Variants in SPAG17 observed in about 807,000 individuals in gnomAD.
SPAG17 encodes sperm-associated antigen 17.
A neutral mutation model predicts 273.6 loss-of-function variants in SPAG17; 169 were observed. The ratio of observed to expected loss-of-function variants is 0.62; its 90% CI spans 0.55 to 0.70. The LOEUF (loss-of-function observed/expected upper bound fraction) is 0.70. SPAG17 is among the 30% of genes least tolerant of loss of function. The pLI, the probability that SPAG17 is intolerant of heterozygous loss-of-function variation, is 0.00. For synonymous variants in SPAG17, 825 were observed against 873.2 expected, an observed-to-expected ratio of 0.94 and a Z score of 0.97; for missense variants, 2,557 against 2,627.8, an observed-to-expected ratio of 0.97 and a Z score of 0.59.
chr1:118,121,076 G>T (rs1037311015), intron 3 of SPAG17, among the ~76,000 whole-genome samples: 2 of 152,030 alleles, frequency 1.3e-5, no homozygotes, highest in Non-Finnish European at 2.9e-5. Flanking sequence ...TAGGCCAGGG[G>T]TGAGAGCAGC....
At chr1:118,152,190 T>TA (rs1242160187) in intron 1 of SPAG17, among the ~76,000 whole-genome samples, 1 of 151,936 alleles carries the variant, frequency 6.6e-6, no homozygotes, top group Admixed American at 6.6e-5. Context: ...AGAGAGGGAA[T>TA]AATAAGGGAG....
chr1:117,954,576 A>T, intron 48 of SPAG17: 1 of 1,612,462 alleles, frequency 6.2e-7, no homozygotes, highest in Non-Finnish European at 8.5e-7. Flanking sequence ...TAATTTCTTC[A>T]TAGGTTCCAC....
At chr1:118,052,603 T>C (rs1651185045) in intron 20 of SPAG17, among the ~76,000 whole-genome samples, 1 of 152,084 alleles carries the variant, frequency 6.6e-6, no homozygotes, top group Non-Finnish European at 1.5e-5. Context: ...GTTAATCAGT[T>C]TGATTTAGCC....
rs116190758 is a variant in SPAG17, at chr1:118,127,150, C to T, written c.316-11709G>A. On this transcript the variant is annotated intron_variant, in intron 3 of 48. Transcript: ENST00000336338. ...CCACTTTGTTCTTTTTGCTTAGTAT[C>T]GCTTTAGAGAATTTGGGGTCTTTTG... Among the ~76,000 whole-genome samples, 705 of 152,154 alleles carry T rather than the reference C, an allele frequency of 4.6e-3. 7 individuals carry two copies. Among genetic ancestry groups the T allele is most frequent in the African/African-American group, 0.016 (666 of 41,530 alleles).
Position 118,025,383 on chromosome 1 carries a change from T to G in SPAG17, c.3764A>C (p.Asp1255Ala), listed in dbSNP as rs759699821. The G allele has an allele frequency of 1.9e-6, 3 of 1,600,414 alleles. No homozygotes were observed. Among genetic ancestry groups the G allele is most frequent in the African/African-American group, 2.7e-5 (2 of 73,982 alleles). ...QYVIDEEPTW[D>A]IMVRQSYPQR... is the part of the protein sequence containing the mutation. ...GGGGTAGCTCTGACGGACCATGATG[T>G]CCCAGGTGGGTTCCTCATCTATAAC... The change falls in exon 27 of 49, where the codon GAC (aspartate) becomes GCC (alanine). Residue 1255 changes from aspartate to alanine, a missense_variant. Physicochemically the swap from Asp to Ala is moderately radical, Grantham distance 126. Transcript: ENST00000336338.
Position 117,992,586 on chromosome 1 carries a change from T to G in SPAG17, c.5241A>C (p.Lys1747Asn). The G allele has an allele frequency of 6.2e-7, 1 of 1,613,498 alleles. No individual in the cohort carries two copies. The highest frequency in any genetic ancestry group is 8.5e-7 in the Non-Finnish European group (1 of 1,179,736). ...QIWKGLCIES[K>N]QLVSAPGAIL... The stretch of plus-strand genomic sequence containing the variant: ...TGGCACCCGGGGCACTCACTAGCTG[T>G]TTGGACTCAATGCAAAGGCCTTTCC... The change falls in exon 36 of 49, where the codon AAA becomes AAC. Residue 1747 changes from lysine (K) to asparagine (N), a missense_variant. Transcript: ENST00000336338.
chr1:118,090,277 A>G (rs572702672), intron 10 of SPAG17, among the ~76,000 whole-genome samples: 1 of 152,344 alleles, frequency 6.6e-6, no homozygotes, highest in African/African-American at 2.4e-5. Flanking sequence ...CACAATGACC[A>G]TGTTACATCA....
chr1:118,005,475 A>G lies in SPAG17; in HGVS notation c.4715T>C (p.Ile1572Thr). 1 of 1,613,756 alleles carries G rather than the reference A, an allele frequency of 6.2e-7. No homozygotes were observed. Among genetic ancestry groups the G allele is most frequent in the Non-Finnish European group, 8.5e-7 (1 of 1,179,786 alleles). The change falls in exon 32 of 49, where the codon ATC becomes ACC. Residue 1572 changes from isoleucine (I) to threonine (T), a missense_variant. Coordinates refer to ENST00000336338, the MANE Select transcript of SPAG17 (RefSeq NM_206996.4). Reference sequence around the variant, plus strand: ...GATAACCTCTGAAGTATGCCTCATGATGTACCTGCCAGCTCGCAGCTGCTC... The same window carrying G: ...GATAACCTCTGAAGTATGCCTCATGGTGTACCTGCCAGCTCGCAGCTGCTC... ...KREQLRAGRY[I>T]MRHTSEVICE...
chr1:118,131,519 C>T (rs1163906364), intron 3 of SPAG17, among the ~76,000 whole-genome samples: 1 of 152,156 alleles, frequency 6.6e-6, no homozygotes, highest in Non-Finnish European at 1.5e-5. Context: ...TTCCTCTCCC[C>T]AATTAAAAAG....
intron 4 of SPAG17, among the ~76,000 whole-genome samples, chr1:118,107,767 C>A (rs2102236900): frequency 6.6e-6 from 1 of 152,246 alleles, no homozygotes; most frequent in East Asian, 1.9e-4. Context: ...AAAGAGCTTA[C>A]AAAAGCCACC....
chr1:118,031,591 C>A, intron 25 of SPAG17, 101 bp downstream of exon 25: 1 of 1,198,082 alleles, frequency 8.3e-7, no homozygotes, highest in Non-Finnish European at 1.2e-6. Flanking sequence ...CACAATAAAA[C>A]GTATGCACTA....
intron 48 of SPAG17, chr1:117,955,482 G>C: frequency 2.4e-6 from 2 of 840,968 alleles, no homozygotes; most frequent in East Asian, 5.7e-5. Context: ...CTATATCAAA[G>C]TTTTGATGGA....
intron 32 of SPAG17, 36 bp from the exon 33 acceptor site, chr1:117,996,779 GAA>G: frequency 1.9e-6 from 3 of 1,559,492 alleles, no homozygotes; most frequent in African/African-American, 2.8e-5. Context: ...TAAAAGAAAA[GAA>G]AGTCATAATG....
At chr1:117,980,744 CATA>C (rs1281118053) in intron 43 of SPAG17, among the ~76,000 whole-genome samples, 1 of 152,160 alleles carries the variant, frequency 6.6e-6, no homozygotes, top group Non-Finnish European at 1.5e-5. Context: ...GCGAAATTAG[CATA>C]ATGTGACTCC....
At chr1:118,016,997 A>C (rs1028895688) in intron 28 of SPAG17, among the ~76,000 whole-genome samples, 1 of 152,200 alleles carries the variant, frequency 6.6e-6, no homozygotes, top group African/African-American at 2.4e-5. Flanking sequence ...ATGATAGTAA[A>C]GGAATGTTAA....
At chr1:117,999,730 G>A (rs1658061278) in intron 32 of SPAG17, among the ~76,000 whole-genome samples, 1 of 152,058 alleles carries the variant, frequency 6.6e-6, no homozygotes, top group Non-Finnish European at 1.5e-5. Flanking sequence ...TTAGCCCTTT[G>A]TCAGATGAGT....
At chr1:117,958,424 C>T (rs747528059) in intron 48 of SPAG17, among the ~76,000 whole-genome samples, 1 of 152,090 alleles carries the variant, frequency 6.6e-6, no homozygotes, top group Non-Finnish European at 1.5e-5. Context: ...ATACTTATAG[C>T]GTATCAGAGG....
At position 118,115,440 on chromosome 1, in the gene SPAG17, A is replaced by C; in HGVS notation, c.317T>G (p.Val106Gly). The C allele has an allele frequency of 6.2e-7, 1 of 1,608,880 alleles. No individual in the cohort carries two copies. Among genetic ancestry groups the C allele is most frequent in the Non-Finnish European group, 8.5e-7 (1 of 1,178,318 alleles). The change falls in exon 4 of 49, where the codon GTG becomes GGG. Residue 106 changes from valine to glycine, a missense_variant and splice_region_variant. Physicochemically the swap from Val to Gly is moderately radical, Grantham distance 109. Transcript: ENST00000336338. ...VGGNAPLYYE[V>G]LTAAKAIMDS... is the part of the protein sequence containing the mutation. ...CATAATTGCTTTTGCTGCCGTTAACACCTATACAGAAACACAATTATTAGA... is the reference window on the plus strand; with the variant it reads ...CATAATTGCTTTTGCTGCCGTTAACCCCTATACAGAAACACAATTATTAGA...
intron 4 of SPAG17, among the ~76,000 whole-genome samples, chr1:118,111,369 A>G (rs1479234725): frequency 6.6e-6 from 1 of 152,104 alleles, no homozygotes; most frequent in African/African-American, 2.4e-5. Flanking sequence ...CCCTCAAAGA[A>G]TTCCATCCAG....
Sources: allele counts gnomAD v4.1 joint callset (sites outside exome capture counted in the v4.1 genomes callset), GRCh38; gene constraint gnomAD v4.1.1; transcripts MANE v1.5; gene names NCBI Gene and HGNC (gene_info 2026-07-23, HGNC 2026-07-21).